SHISAL1: variants seen among roughly 807,000 people sequenced by gnomAD.
SHISAL1 encodes protein shisa-like-1.
A neutral mutation model predicts 22.6 loss-of-function variants in SHISAL1; 9 were observed. That is an observed-to-expected ratio of 0.40 (90% CI 0.24 to 0.70). SHISAL1 has a LOEUF of 0.70. SHISAL1 is among the 30% of genes least tolerant of loss of function. The pLI is 0.39. For synonymous variants in SHISAL1, 119 were observed against 115.4 expected, an observed-to-expected ratio of 1.03 and a Z score of -0.20; for missense variants, 246 against 270.6, an observed-to-expected ratio of 0.91 and a Z score of 0.64.
intron 3 of SHISAL1, among the ~76,000 whole-genome samples, chr22:44,290,855 G>A (rs2055348146): frequency 6.6e-6 from 1 of 152,200 alleles, no homozygotes; most frequent in African/African-American, 2.4e-5. Context: ...TGCTTAATAG[G>A]TCTAGACCCA....
At chr22:44,290,536 A>AAAAAAAAAAAC (rs1200429752) in intron 3 of SHISAL1, among the ~76,000 whole-genome samples, 2 of 151,186 alleles carry the variant, frequency 1.3e-5, no homozygotes, top group African/African-American at 4.9e-5. Context: ...TCTCAAAAAA[A>AAAAAAAAAAAC]AAAAAAAACA....
At chr22:44,312,245 G>A (rs1357205679) in intron 1 of SHISAL1, among the ~76,000 whole-genome samples, 3 of 152,120 alleles carry the variant, frequency 2.0e-5, no homozygotes, top group Non-Finnish European at 2.9e-5. Flanking sequence ...ATTTCGTACC[G>A]GTGTGATGCT....
At chr22:44,268,013 C>A (rs1226211284) in intron 4 of SHISAL1, among the ~76,000 whole-genome samples, 1 of 152,340 alleles carries the variant, frequency 6.6e-6, no homozygotes, top group South Asian at 2.1e-4. Flanking sequence ...GTGGGGTCAA[C>A]AGGGAGCTGT....
intron 4 of SHISAL1, among the ~76,000 whole-genome samples, chr22:44,269,591 TACAC>T (rs135419): frequency 1.4e-5 from 2 of 145,028 alleles, no homozygotes; most frequent in East Asian, 2.1e-4. Context: ...TACCACACCA[TACAC>T]ACACACACGC....
At chr22:44,271,154 T>G (rs1196317799) in intron 4 of SHISAL1, among the ~76,000 whole-genome samples, 6 of 152,132 alleles carry the variant, frequency 3.9e-5, no homozygotes, top group African/African-American at 9.7e-5. Flanking sequence ...TTACTCCCTG[T>G]GCCTATATCC....
intron 4 of SHISAL1, among the ~76,000 whole-genome samples, chr22:44,279,496 C>A (rs187671727): frequency 6.6e-6 from 1 of 152,336 alleles, no homozygotes; most frequent in African/African-American, 2.4e-5. Flanking sequence ...GGCTGCAGAG[C>A]CAGGAAGAAC....
At chr22:44,309,506 C>T (rs974044607) in intron 1 of SHISAL1, among the ~76,000 whole-genome samples, 21 of 152,172 alleles carry the variant, frequency 1.4e-4, no homozygotes, top group African/African-American at 4.1e-4. Flanking sequence ...ATTCCTCACC[C>T]GTTCCCTTCC....
At chr22:44,316,690 G>A (rs1210177236), upstream of SHISAL1, among the ~76,000 whole-genome samples, 1 of 152,190 alleles carries the variant, frequency 6.6e-6, no homozygotes, top group Non-Finnish European at 1.5e-5. Flanking sequence ...GGCATCTCCC[G>A]GGAGCTGTTG....
rs78997066 is a variant in SHISAL1 at position 44,292,385 on chromosome 22, C to T, written c.281+4287G>A. Among the ~76,000 whole-genome samples, 52 of 152,312 alleles carry T rather than the reference C, an allele frequency of 3.4e-4. 1 individual carries two copies. The East Asian group carries it at 9.7e-3, about 28-fold the overall frequency. On this transcript the variant is annotated intron_variant, in intron 3 of 4. Coordinates refer to ENST00000381176, the MANE Select transcript of SHISAL1 (RefSeq NM_001099294.2). ...CCAGTGGCACACAAGTCCTGGCCTT[C>T]TAGATGCACCAAGGGGTGGCAGAAC... is the stretch of plus-strand genomic sequence containing the variant.
chr22:44,278,553 A>G lies in SHISAL1; in HGVS notation c.599+6875T>C, dbSNP rs375979781. ...AGGTATTAAGGCAGGGAAAAAGAAT[A>G]GCAACATGACCGCAGCCCCCAGGGG... On this transcript the variant is annotated intron_variant, in intron 4 of 4. Coordinates refer to ENST00000381176, the MANE Select transcript of SHISAL1 (RefSeq NM_001099294.2). 5.5e-4 allele frequency among the ~76,000 whole-genome samples: 84 copies of G among 152,374 alleles called. No individual in the cohort carries two copies. The Middle Eastern group carries it at 0.01, about 19-fold the overall frequency.
At chr22:44,298,382 G>A (rs964488120) in intron 2 of SHISAL1, among the ~76,000 whole-genome samples, 24 of 152,212 alleles carry the variant, frequency 1.6e-4, no homozygotes, top group African/African-American at 5.8e-4. Flanking sequence ...CAGATTCTCA[G>A]GCCACTGGGC....
chr22:44,255,026 G>T (rs1204183031), intron 4 of SHISAL1, among the ~76,000 whole-genome samples: 4 of 152,006 alleles, frequency 2.6e-5, no homozygotes, highest in Non-Finnish European at 5.9e-5. Flanking sequence ...CTGCTTCCAG[G>T]ACACTGCAGT....
chr22:44,293,822 A>C (rs2055368810), intron 3 of SHISAL1, among the ~76,000 whole-genome samples: 1 of 152,162 alleles, frequency 6.6e-6, no homozygotes, highest in Admixed American at 6.5e-5. Flanking sequence ...AACGATTAAA[A>C]ATGTAAGTTA....
intron 2 of SHISAL1, among the ~76,000 whole-genome samples, chr22:44,297,905 G>A (rs2055398666): frequency 6.6e-6 from 1 of 152,240 alleles, no homozygotes; most frequent in Non-Finnish European, 1.5e-5. Context: ...CTCTGTGTCT[G>A]CTGAGAGGTT....
At chr22:44,252,813 T>A (rs2055057462) in intron 4 of SHISAL1, among the ~76,000 whole-genome samples, 1 of 151,642 alleles carries the variant, frequency 6.6e-6, no homozygotes, top group Admixed American at 6.6e-5. Context: ...ACCAACATGA[T>A]GAAATCCCGT....
At chr22:44,302,156 C>A (rs987403121) in intron 1 of SHISAL1, among the ~76,000 whole-genome samples, 1 of 152,060 alleles carries the variant, frequency 6.6e-6, no homozygotes, top group East Asian at 1.9e-4. Context: ...GCCTGACCAA[C>A]CTGGACAAAC....
intron 1 of SHISAL1, among the ~76,000 whole-genome samples, chr22:44,306,026 G>A (rs76267418): frequency 2.6e-5 from 4 of 152,212 alleles, no homozygotes; most frequent in Non-Finnish European, 5.9e-5. Flanking sequence ...CATTTCTAAT[G>A]ATCTGAGACA....
intron 4 of SHISAL1, among the ~76,000 whole-genome samples, chr22:44,280,614 C>G (rs570423295): frequency 7.2e-5 from 11 of 152,110 alleles, no homozygotes; most frequent in Non-Finnish European, 1.3e-4. Flanking sequence ...GTCAGGCCAC[C>G]AAGGGCTAGG....
intron 3 of SHISAL1, among the ~76,000 whole-genome samples, chr22:44,294,327 G>A (rs1313278799): frequency 6.6e-6 from 1 of 152,184 alleles, no homozygotes; most frequent in East Asian, 1.9e-4. Context: ...TGGGAGGTGG[G>A]GAGACTTGGA....
Sources: gnomAD v4.1 joint callset for allele counts (sites outside exome capture counted in the v4.1 genomes callset) on GRCh38, gnomAD v4.1.1 for gene constraint, MANE v1.5 for transcripts, NCBI Gene and HGNC (gene_info 2026-07-23, HGNC 2026-07-21) for gene names.